Variants in POLR2C observed in about 807,000 individuals in gnomAD.
The protein encoded by POLR2C is RNA polymerase II subunit C, also known as DNA-directed RNA polymerase II subunit RPB3.
In POLR2C, 36 loss-of-function variants were observed where a neutral mutation model predicts 41.7. That is an observed-to-expected ratio of 0.86 (90% confidence interval 0.66 to 1.14). The LOEUF (loss-of-function observed/expected upper bound fraction) is 1.14, where lower values mean the gene tolerates loss of function less well. POLR2C is among the 50% of genes most tolerant of loss of function. POLR2C has a pLI of 0.00. For synonymous variants in POLR2C, 133 were observed against 137.8 expected, an observed-to-expected ratio of 0.96 and a Z score of 0.25; for missense variants, 260 against 350.4, an observed-to-expected ratio of 0.74 and a Z score of 2.06.
In POLR2C at chr16:57,470,048, G is replaced by C; in HGVS notation, c.527G>C (p.Trp176Ser). The change falls in exon 7 of 9, where the codon TGG becomes TCG. Residue 176 changes from tryptophan to serine, a missense_variant. Transcript: ENST00000219252. ...GGCTTTGGCAAGGAGCATGCCAAGT[G>C]GAACCCTACTGCAGGGGTGGCTTTT... ...KKGFGKEHAKWNPTAGVAFEY... is the reference protein window; with the variant it reads ...KKGFGKEHAKSNPTAGVAFEY... The C allele has an allele frequency of 6.2e-7, 1 of 1,614,202 alleles. No homozygotes were observed. Among genetic ancestry groups the C allele is most frequent in the Non-Finnish European group, 8.5e-7 (1 of 1,180,030 alleles).
intron 2 of POLR2C, among the ~76,000 whole-genome samples, chr16:57,464,885 C>T (rs2030665508): frequency 6.6e-6 from 1 of 152,142 alleles, no homozygotes; most frequent in African/African-American, 2.4e-5. Flanking sequence ...AAAGACATCC[C>T]AGGACCTGCG....
rs776540608 is a variant in POLR2C, at chr16:57,462,723, A to G, written c.-2A>G. ...CGCGGAGGCTGGTGGCCCCTGGGCG[A>G]GATGCCGTACGCCAACCAGCCTACC... On this transcript the variant is annotated 5_prime_UTR_variant, in exon 1 of 9. Coordinates refer to ENST00000219252, the MANE Select transcript of POLR2C (RefSeq NM_032940.3). The G allele has an allele frequency of 1.4e-5, 22 of 1,595,816 alleles. No individual in the cohort carries two copies. The highest frequency in any genetic ancestry group is 1.6e-5 in the Non-Finnish European group (19 of 1,171,214).
chr16:57,466,042 G>A, intron 3 of POLR2C, 21 bp downstream of exon 3: 1 of 1,507,008 alleles, frequency 6.6e-7, no homozygotes, highest in Admixed American at 1.7e-5. Context: ...CTTTTACTAG[G>A]AGGTTAAAGG....
At chr16:57,466,250 A>T in intron 4 of POLR2C, 23 bp downstream of exon 4, 1 of 1,528,298 alleles carries the variant, frequency 6.5e-7, no homozygotes, top group Non-Finnish European at 8.9e-7. Context: ...ATTGGGTGGA[A>T]TGTGAGGTTT....
At chr16:57,466,055 G>A in intron 3 of POLR2C, 34 bp downstream of exon 3, 1 of 1,474,178 alleles carries the variant, frequency 6.8e-7, no homozygotes, top group East Asian at 2.3e-5. Flanking sequence ...GTTAAAGGGA[G>A]GGTATTGTGC....
intron 8 of POLR2C, 165 bp downstream of exon 8, chr16:57,470,519 C>T (rs946067560): frequency 2.2e-5 from 13 of 592,204 alleles, no homozygotes; most frequent in Middle Eastern, 8.9e-4. Context: ...ATCCCAGGGG[C>T]AGGTCGTCAG....
At position 57,465,946 on chromosome 16, in the gene POLR2C, T is replaced by A; in HGVS notation, c.137-7T>A. The A allele has an allele frequency of 7.0e-6, 11 of 1,573,832 alleles. No homozygotes were observed. The highest frequency in any genetic ancestry group is 8.7e-6 in the Non-Finnish European group (10 of 1,144,006). ...TAAACTCCATGTCTGCTTCTTTCATTTTTTAGCCATTGACTGGGTTCAGAT... is the reference window on the plus strand; with the variant it reads ...TAAACTCCATGTCTGCTTCTTTCATATTTTAGCCATTGACTGGGTTCAGAT... On this transcript the variant is annotated splice_region_variant and splice_polypyrimidine_tract_variant and intron_variant, in intron 2 of 8. Transcript: ENST00000219252.
In POLR2C at chr16:57,471,310, G is replaced by C. The variant is rs1185068127; in HGVS notation, c.*191G>C. Reference sequence around the variant, plus strand: ...GATGCAGTGGTGTTTAGGCAGGATAGGTCTTTACTGGCCCTGACTGCTGTT... The same window carrying C: ...GATGCAGTGGTGTTTAGGCAGGATACGTCTTTACTGGCCCTGACTGCTGTT... On this transcript the variant is annotated 3_prime_UTR_variant, in exon 9 of 9. Coordinates refer to ENST00000219252, the MANE Select transcript of POLR2C (RefSeq NM_032940.3). The C allele has an allele frequency of 1.7e-6, 1 of 578,962 alleles. No individual in the cohort carries two copies. Among genetic ancestry groups the C allele is most frequent in the Non-Finnish European group, 3.1e-6 (1 of 325,284 alleles). 35.9% of individuals were successfully genotyped at this position (578,962 alleles called of 1,614,324 possible). A position where few individuals can be genotyped will look rare whatever the true frequency, so the allele number is the denominator to read the frequency against.
chr16:57,464,883 C>T (rs1188324001), intron 2 of POLR2C, among the ~76,000 whole-genome samples: 1 of 152,122 alleles, frequency 6.6e-6, no homozygotes, highest in Non-Finnish European at 1.5e-5. Context: ...ACAAAGACAT[C>T]CCAGGACCTG....
At position 57,469,048 on chromosome 16, in the gene POLR2C, T is replaced by C; in HGVS notation, c.259-117T>C. On this transcript the variant is annotated intron_variant, in intron 4 of 8. Coordinates refer to ENST00000219252, the MANE Select transcript of POLR2C (RefSeq NM_032940.3). This position sits in a 1 kb window ranked among gnomAD's most constrained non-coding sequence, Gnocchi z 5.8. ...AGAACCTGGATACTGATGAACCCCT[T>C]TTTACAGGTGAAGAAACTTAAGGAA... 1 of 1,022,676 alleles carries C rather than the reference T, an allele frequency of 9.8e-7. No homozygotes were observed. 63.4% of individuals were successfully genotyped at this position (1,022,676 alleles called of 1,614,324 possible). A position where few individuals can be genotyped will look rare whatever the true frequency, so the allele number is the denominator to read the frequency against.
chr16:57,463,812 TCC>T (rs1314410994), intron 2 of POLR2C: 23 of 329,028 alleles, frequency 7.0e-5, no homozygotes, highest in Admixed American at 3.3e-4. Context: ...GTGTGGTGGC[TCC>T]CACCTGTAAT....
rs776205020 is a variant in POLR2C at position 57,463,061 on chromosome 16, C to T, written c.119C>T (p.Ala40Val). The change falls in exon 2 of 9, where the codon GCT becomes GTT. Residue 40 changes from alanine to valine, a missense_variant. Physicochemically the swap from Ala to Val is moderately conservative, Grantham distance 64. Transcript: ENST00000219252. Reference protein sequence around the residue: ...VANSIRRVFIAEVPIIAIDWV... With the variant: ...VANSIRRVFIVEVPIIAIDWV... ...AATTCGATTCGGAGGGTCTTCATCG[C>T]TGAGGTTCCCATAATAGGTAAGCGA... 2 of 1,613,276 alleles carry T rather than the reference C, an allele frequency of 1.2e-6. No individual in the cohort carries two copies. Among genetic ancestry groups the T allele is most frequent in the Non-Finnish European group, 1.7e-6 (2 of 1,179,320 alleles).
chr16:57,466,363 G>T (rs2030708676), intron 4 of POLR2C, 136 bp downstream of exon 4: 2 of 683,000 alleles, frequency 2.9e-6, no homozygotes, highest in East Asian at 5.2e-5. Flanking sequence ...GTTGTCTAGA[G>T]CCTGGGCAGG....
At chr16:57,466,454 A>G (rs1481085828) in intron 4 of POLR2C, among the ~76,000 whole-genome samples, 1 of 152,210 alleles carries the variant, frequency 6.6e-6, no homozygotes, top group Non-Finnish European at 1.5e-5. Flanking sequence ...GCTCCACCAC[A>G]GTGCCCATTT....
At chr16:57,467,428 T>TTAAGAGC (rs2030737007) in intron 4 of POLR2C, among the ~76,000 whole-genome samples, 1 of 152,346 alleles carries the variant, frequency 6.6e-6, no homozygotes, top group South Asian at 2.1e-4. Flanking sequence ...AATTTGGCGA[T>TTAAGAGC]ATCTTACATA....
At chr16:57,468,970 C>T (rs1452230957) in intron 4 of POLR2C, among the ~76,000 whole-genome samples, 195 bp from the exon 5 acceptor site, 1 of 152,200 alleles carries the variant, frequency 6.6e-6, no homozygotes, top group Non-Finnish European at 1.5e-5. Context: ...TATAAGTTGT[C>T]TCTAAACTTG....
chr16:57,463,271 C>G (rs1234401916), intron 2 of POLR2C, 193 bp downstream of exon 2: 18 of 637,772 alleles, frequency 2.8e-5, no homozygotes, highest in Non-Finnish European at 4.3e-5. Flanking sequence ...CCACGGGCCA[C>G]TTAGGTCCAC....
At chr16:57,467,520 GTCTCTC>G (rs151133791) in intron 4 of POLR2C, among the ~76,000 whole-genome samples, 1 of 151,152 alleles carries the variant, frequency 6.6e-6, no homozygotes, top group Non-Finnish European at 1.5e-5. Flanking sequence ...GGCATGGTCT[GTCTCTC>G]TCTCTCTCTG....
At position 57,471,273 on chromosome 16, in the gene POLR2C, T is replaced by C; in HGVS notation, c.*154T>C. 3 of 642,568 alleles carry C rather than the reference T, an allele frequency of 4.7e-6. No individual in the cohort carries two copies. The highest frequency in any genetic ancestry group is 2.7e-6 in the Non-Finnish European group (1 of 366,828). The allele number at this position is 642,568 out of a possible 1,614,324, so 39.8% of individuals were successfully genotyped here. A position where few individuals can be genotyped will look rare whatever the true frequency, so the allele number is the denominator to read the frequency against. ...GTACCAACTAGAAGTGGGTCATAGA[T>C]AGATTACCAGGGATGCAGTGGTGTT... On this transcript the variant is annotated 3_prime_UTR_variant, in exon 9 of 9. Transcript: ENST00000219252.
Sources: allele counts gnomAD v4.1 joint callset (sites outside exome capture counted in the v4.1 genomes callset), GRCh38; gene constraint gnomAD v4.1.1; non-coding constraint Gnocchi (gnomAD v3.1); transcripts MANE v1.5; gene names NCBI Gene and HGNC (gene_info 2026-07-23, HGNC 2026-07-21).